Variants in OTOGL observed in about 807,000 individuals in gnomAD.
OTOGL encodes otogelin-like protein.
OTOGL carries 285 observed loss-of-function variants against 318.5 expected under a neutral mutation model. The ratio of observed to expected loss-of-function variants is 0.89; its 90% CI spans 0.81 to 0.99. The LOEUF is 0.99. Among genes scored for constraint, OTOGL ranks in the 50% least tolerant of loss-of-function variants. The pLI, the probability that OTOGL is intolerant of heterozygous loss-of-function variation, is 0.00. For synonymous variants in OTOGL, 987 were observed against 936.5 expected (o/e 1.05, Z -0.99); for missense variants, 2,899 against 2,845.6 (o/e 1.02, Z -0.43).
intron 1 of OTOGL, among the ~76,000 whole-genome samples, chr12:80,161,657 C>G (rs1017896314): frequency 2.0e-5 from 3 of 151,972 alleles, no homozygotes; most frequent in Non-Finnish European, 2.9e-5. Flanking sequence ...TCTCATGGCA[C>G]TGAAAGAACG....
At chr12:80,120,397 G>T (rs1273764498) in intron 1 of OTOGL, among the ~76,000 whole-genome samples, 1 of 151,578 alleles carries the variant, frequency 6.6e-6, no homozygotes, top group African/African-American at 2.4e-5. Flanking sequence ...ACAGCATAAA[G>T]GATTAAAAAA....
intron 30 of OTOGL, among the ~76,000 whole-genome samples, chr12:80,311,849 T>C (rs558416303): frequency 6.6e-6 from 1 of 152,344 alleles, no homozygotes; most frequent in East Asian, 1.9e-4. Flanking sequence ...TTATAAGGTT[T>C]TTGATACTTA....
intron 1 of OTOGL, among the ~76,000 whole-genome samples, chr12:80,156,811 T>G (rs1592503570): frequency 6.6e-6 from 1 of 152,180 alleles, no homozygotes; most frequent in East Asian, 1.9e-4. Context: ...GTCTTGGGTA[T>G]GTCTTTATCA....
At chr12:80,163,459 G>A (rs941977305) in intron 1 of OTOGL, among the ~76,000 whole-genome samples, 6 of 152,224 alleles carry the variant, frequency 3.9e-5, no homozygotes, top group Admixed American at 6.5e-5. Context: ...TGTTCAAGCA[G>A]ATCAACGTTT....
In OTOGL at chr12:80,209,144, T is replaced by C. The variant is rs376952446; in HGVS notation, c.-19-269T>C. Among the ~76,000 whole-genome samples, 52 of 152,276 alleles carry C rather than the reference T, an allele frequency of 3.4e-4. 2 individuals are homozygous for C. The East Asian group carries it at 5.4e-3, about 16-fold the overall frequency. ...GTCTTGAGAAGGTAAAAGGTTGATATAGGCTAAAAAGGCCTATGATGTGCA... is the reference window on the plus strand; with the variant it reads ...GTCTTGAGAAGGTAAAAGGTTGATACAGGCTAAAAAGGCCTATGATGTGCA... On this transcript the variant is annotated intron_variant, in intron 1 of 58. Coordinates refer to ENST00000547103, the MANE Select transcript of OTOGL (RefSeq NM_001378609.3).
At position 80,266,453 on chromosome 12, in the gene OTOGL, G is replaced by A. The variant is rs1565941636; in HGVS notation, c.2227G>A (p.Val743Met). 6 of 1,613,390 alleles carry A rather than the reference G, an allele frequency of 3.7e-6. No individual in the cohort carries two copies. The East Asian group carries it at 1.3e-4, about 36-fold the overall frequency. The stretch of plus-strand genomic sequence containing the variant: ...AAGTGATACTTCTTTGTCCTTAGCT[G>A]TGGTGTGCCAGAAGGGCATGCTGTA... ...DFRTQISFCA[V>M]VCQKGMLYHH... Residue 743 changes from valine to methionine, a missense_variant and splice_region_variant, in exon 21 of 59, where the codon GTG (valine) becomes ATG (methionine). Around this residue, in one of 3 missense-constraint regions of OTOGL, gnomAD observed 2,607 missense variants for 2,524.9 expected, o/e 1.03. Coordinates refer to ENST00000547103, the MANE Select transcript of OTOGL (RefSeq NM_001378609.3).
intron 1 of OTOGL, among the ~76,000 whole-genome samples, chr12:80,195,304 C>G (rs1390375538): frequency 1.3e-5 from 2 of 152,186 alleles, no homozygotes; most frequent in Non-Finnish European, 2.9e-5. Context: ...AGCCTGAGAG[C>G]ATGCACACTG....
chr12:80,355,229 CTTT>C lies in OTOGL; in HGVS notation c.5594-490_5594-488del, dbSNP rs869285817. On this transcript the variant is annotated intron_variant, in intron 46 of 58. Transcript: ENST00000547103. ...TTTCTTTTCTTTCTTTCTTTCTTTT[CTTT>C]TTTTTTTTTTTTTTTTGAGACAGGA... 1.3e-3 allele frequency among the ~76,000 whole-genome samples: 64 copies of C among 50,044 alleles called. 1 individual carries two copies. Among genetic ancestry groups the C allele is most frequent in the East Asian group, 2.8e-3 (3 of 1,054 alleles). 32.8% of individuals were successfully genotyped at this position (50,044 alleles called of 152,430 possible). A position where few individuals can be genotyped will look rare whatever the true frequency, so the allele number is the denominator to read the frequency against.
At position 80,358,189 on chromosome 12, in the gene OTOGL, A is replaced by G. The variant is rs1890022416; in HGVS notation, c.6020-59A>G. The G allele has an allele frequency of 3.7e-6, 4 of 1,090,278 alleles. No individual in the cohort carries two copies. In the African/African-American group the frequency reaches 4.7e-5, roughly 13 times the overall value. The allele number at this position is 1,090,278 out of a possible 1,614,324, so 67.5% of individuals were successfully genotyped here. On this transcript the variant is annotated intron_variant, in intron 49 of 58. Coordinates refer to ENST00000547103, the MANE Select transcript of OTOGL (RefSeq NM_001378609.3). ...GATTTGTGTATGGTAATTTAAACTC[A>G]TATTATAATTCATGGTTTTTAGCTC...
At chr12:80,208,101 T>TC in intron 1 of OTOGL, 1 of 458,138 alleles carries the variant, frequency 2.2e-6, no homozygotes, top group Non-Finnish European at 4.4e-6. Flanking sequence ...GTCACATAAC[T>TC]ACTTTATAAT....
rs570456571 is a variant in OTOGL at position 80,230,604 on chromosome 12, G to A, written c.611+1226G>A. On this transcript the variant is annotated intron_variant, in intron 8 of 58. Coordinates refer to ENST00000547103, the MANE Select transcript of OTOGL (RefSeq NM_001378609.3). ...ACATAATATTTAATTTTAACTCAGA[G>A]AAAGCATTTCTATGAGGATTTCAGA... Among the ~76,000 whole-genome samples the A allele has an allele frequency of 2.0e-5, 3 of 152,242 alleles. No homozygotes were observed. The South Asian group carries it at 6.2e-4, about 32-fold the overall frequency.
intron 9 of OTOGL, among the ~76,000 whole-genome samples, chr12:80,236,769 G>A (rs1477598281): frequency 6.6e-6 from 1 of 151,056 alleles, no homozygotes; most frequent in Non-Finnish European, 1.5e-5. Flanking sequence ...AAAGCCCTAG[G>A]ATTCTTTTCG....
chr12:80,302,988 A>T (rs1885866767), intron 28 of OTOGL, among the ~76,000 whole-genome samples: 1 of 152,190 alleles, frequency 6.6e-6, no homozygotes, highest in Admixed American at 6.5e-5. Context: ...ACCTTGCAGT[A>T]TCCAGTTTTC....
At chr12:80,242,397 G>A (rs1357815255) in intron 11 of OTOGL, among the ~76,000 whole-genome samples, 1 of 152,068 alleles carries the variant, frequency 6.6e-6, no homozygotes, top group African/African-American at 2.4e-5. Flanking sequence ...AACAAAGGAA[G>A]GACATTATAA....
At chr12:80,180,836 T>C (rs1874871290) in intron 1 of OTOGL, among the ~76,000 whole-genome samples, 1 of 152,192 alleles carries the variant, frequency 6.6e-6, no homozygotes, top group South Asian at 2.1e-4. Context: ...AGGTTATGTA[T>C]GGGTCAATGA....
Position 80,178,061 on chromosome 12 carries a change from C to CTT in OTOGL, c.-19-31332_-19-31331dup, listed in dbSNP as rs71094968. ...TATTCTTTTCTTTCTTTCTTTCTTT[C>CTT]TTTTTTTTTTTTTTTTTTTTTGAGA... On this transcript the variant is annotated intron_variant, in intron 1 of 58. Transcript: ENST00000547103. 9.2e-4 allele frequency among the ~76,000 whole-genome samples: 69 copies of CTT among 74,934 alleles called. No homozygotes were observed. The East Asian group carries it at 0.01, about 11-fold the overall frequency. 49.2% of individuals were successfully genotyped at this position (74,934 alleles called of 152,430 possible).
chr12:80,163,130 A>G (rs565107049), intron 1 of OTOGL, among the ~76,000 whole-genome samples: 2 of 152,166 alleles, frequency 1.3e-5, no homozygotes, highest in African/African-American at 4.8e-5. Flanking sequence ...TATTTTATTT[A>G]TTTGTCATAA....
chr12:80,122,990 C>T (rs925416302), intron 1 of OTOGL, among the ~76,000 whole-genome samples: 5 of 151,282 alleles, frequency 3.3e-5, no homozygotes, highest in Admixed American at 3.3e-4. Flanking sequence ...AGAGTGAATG[C>T]CTTTTGTTTC....
intron 11 of OTOGL, 52 bp from the exon 12 acceptor site, chr12:80,251,641 G>A: frequency 7.1e-7 from 1 of 1,416,366 alleles, no homozygotes; most frequent in Non-Finnish European, 9.7e-7. Context: ...CAATGGTATG[G>A]TTTCTGTCAA....
Sources: gnomAD v4.1 joint callset for allele counts (sites outside exome capture counted in the v4.1 genomes callset) on GRCh38, gnomAD v4.1.1 for gene constraint, gnomAD v4.1.1 regional missense constraint, MANE v1.5 for transcripts, NCBI Gene and HGNC (gene_info 2026-07-23, HGNC 2026-07-21) for gene names.